ANO6: variants seen among roughly 807,000 people sequenced by gnomAD.
ANO6 encodes anoctamin-6.
In ANO6, 106 loss-of-function variants were observed where a neutral mutation model predicts 117.5. That is an observed-to-expected ratio of 0.90 (90% CI 0.77 to 1.06). The LOEUF is 1.06. Among genes scored for constraint, ANO6 ranks in the 50% least tolerant of loss-of-function variants. ANO6 has a pLI of 0.00. For missense variants in ANO6, 955 were observed against 1,121.1 expected (o/e 0.85, Z 2.12); for synonymous variants, 367 against 385.1 (o/e 0.95, Z 0.55).
At chr12:45,426,633 G>A (rs1349922616) in intron 19 of ANO6, among the ~76,000 whole-genome samples, 1 of 151,928 alleles carries the variant, frequency 6.6e-6, no homozygotes, top group Non-Finnish European at 1.5e-5. Flanking sequence ...CTGAAAATCT[G>A]ACTTCAGATT....
At chr12:45,344,021 C>CT (rs769122423) in intron 3 of ANO6, among the ~76,000 whole-genome samples, 18 of 152,116 alleles carry the variant, frequency 1.2e-4, no homozygotes, top group Non-Finnish European at 2.2e-4. Context: ...AAAGGAGTGT[C>CT]TGTGTTTTTA....
At chr12:45,366,116 T>G (rs200604245) in intron 8 of ANO6, among the ~76,000 whole-genome samples, 4 of 24,776 alleles carry the variant, frequency 1.6e-4, no homozygotes, top group African/African-American at 7.5e-4. Context: ...GTTACTTGGG[T>G]TTTTTTTTTT....
intron 2 of ANO6, among the ~76,000 whole-genome samples, chr12:45,326,489 A>G (rs752919700): frequency 2.0e-5 from 3 of 152,200 alleles, no homozygotes; most frequent in Non-Finnish European, 2.9e-5. Context: ...GGCGGCATGT[A>G]AATTATAATG....
chr12:45,277,692 G>T (rs1938597681), intron 1 of ANO6, among the ~76,000 whole-genome samples: 1 of 152,112 alleles, frequency 6.6e-6, no homozygotes, highest in African/African-American at 2.4e-5. Flanking sequence ...TTGACAGCTT[G>T]ACTAAGTATA....
intron 1 of ANO6, among the ~76,000 whole-genome samples, chr12:45,244,414 G>A (rs1420436218): frequency 7.0e-6 from 1 of 142,612 alleles, no homozygotes; most frequent in South Asian, 2.5e-4. Context: ...GGGGGGGGGG[G>A]GTGGTCTGTG....
intron 3 of ANO6, among the ~76,000 whole-genome samples, chr12:45,345,939 C>T (rs993513239): frequency 1.4e-5 from 2 of 138,504 alleles, no homozygotes; most frequent in Non-Finnish European, 3.0e-5. Flanking sequence ...CAGTGTCACC[C>T]CCACGGTGGT....
At chr12:45,220,903 C>T (rs1947386132) in intron 1 of ANO6, among the ~76,000 whole-genome samples, 1 of 152,200 alleles carries the variant, frequency 6.6e-6, no homozygotes, top group South Asian at 2.1e-4. Context: ...ATCAATCATG[C>T]CTATGTAATA....
intron 1 of ANO6, among the ~76,000 whole-genome samples, chr12:45,248,587 C>T (rs1265425209): frequency 1.3e-5 from 2 of 151,830 alleles, no homozygotes; most frequent in Non-Finnish European, 2.9e-5. Context: ...GTGCACGCCA[C>T]CAAGCCCAGT....
chr12:45,409,374 T>C lies in ANO6; in HGVS notation c.1898T>C (p.Ile633Thr), dbSNP rs770782066. 2 of 1,613,994 alleles carry C rather than the reference T, an allele frequency of 1.2e-6. No individual in the cohort carries two copies. Among genetic ancestry groups the C allele is most frequent in the South Asian group, 2.2e-5 (2 of 91,078 alleles). The change falls in exon 16 of 20, where the codon ATT (isoleucine) becomes ACT (threonine). Residue 633 changes from isoleucine (I) to threonine (T), a missense_variant. By Grantham distance (89) the Ile-to-Thr change is moderately conservative. Transcript: ENST00000320560. ...TTTGGCAGCTGGATCATGAATCTAATTGGGCGATTTCACAGAGTTTCTGGA... is the reference window on the plus strand; with the variant it reads ...TTTGGCAGCTGGATCATGAATCTAACTGGGCGATTTCACAGAGTTTCTGGA... ...EVLLPWIMNLIGRFHRVSGSE... is the reference protein window; with the variant it reads ...EVLLPWIMNLTGRFHRVSGSE...
chr12:45,245,535 A>T (rs911977336), intron 1 of ANO6, among the ~76,000 whole-genome samples: 1 of 149,534 alleles, frequency 6.7e-6, no homozygotes, highest in Admixed American at 6.7e-5. Flanking sequence ...CTGCTTTTTC[A>T]CTGTTTTACA....
At position 45,421,254 on chromosome 12, in the gene ANO6, G is replaced by A; in HGVS notation, c.2401G>A (p.Gly801Ser). 3 of 1,614,032 alleles carry A rather than the reference G, an allele frequency of 1.9e-6. No homozygotes were observed. The highest frequency in any genetic ancestry group is 2.5e-6 in the Non-Finnish European group (3 of 1,179,968). ...CAAGGGAAACCCGTACTCTGACCTG[G>A]GTAACCATACCACATGCAGGCAAGT... Reference protein sequence around the residue: ...KSKGNPYSDLGNHTTCRYRDF... With the variant: ...KSKGNPYSDLSNHTTCRYRDF... The change falls in exon 18 of 20, where the codon GGT (glycine) becomes AGT (serine). Residue 801 changes from glycine (G) to serine (S), a missense_variant. Transcript: ENST00000320560.
At chr12:45,357,158 A>T (rs1941432107) in intron 7 of ANO6, 132 bp from the exon 8 acceptor site, 2 of 988,412 alleles carry the variant, frequency 2.0e-6, no homozygotes, top group Non-Finnish European at 3.0e-6. Context: ...GTGAAAATGA[A>T]TGTTTTAAGG....
Position 45,357,298 on chromosome 12 carries a change from A to G in ANO6, c.872A>G (p.Tyr291Cys), listed in dbSNP as rs145510962. ...TTTCTGTCTTTCTTCAGGAAATACT[A>G]TGGAGAGAAGATTGGAATCTACTTT... ...KQPLDLIRKY[Y>C]GEKIGIYFAW... is the part of the protein sequence containing the mutation. The change falls in exon 8 of 20, where the codon TAT becomes TGT. Residue 291 changes from tyrosine to cysteine, a missense_variant. Transcript: ENST00000320560. 2.0e-5 allele frequency: 33 copies of G among 1,613,684 alleles called. No homozygotes were observed. Among genetic ancestry groups the G allele is most frequent in the South Asian group, 5.5e-5 (5 of 91,058 alleles).
chr12:45,299,900 G>A (rs1939424361), intron 1 of ANO6, among the ~76,000 whole-genome samples: 1 of 152,054 alleles, frequency 6.6e-6, no homozygotes, highest in African/African-American at 2.4e-5. Flanking sequence ...AATATTAGGA[G>A]ATTTCTTAGT....
rs143058009 is a variant in ANO6 at position 45,221,778 on chromosome 12, C to T, written c.70+5387C>T. On this transcript the variant is annotated intron_variant, in intron 1 of 19. Transcript: ENST00000320560. ...TTGTTTCCGGCAAGCAGAGAGGAGC[C>T]CAGGATGATGGTGGCAGGAGGAGAG... Among the ~76,000 whole-genome samples the T allele has an allele frequency of 1.7e-4, 26 of 152,074 alleles. No individual in the cohort carries two copies. The East Asian group carries it at 4.8e-3, about 28-fold the overall frequency.
intron 1 of ANO6, among the ~76,000 whole-genome samples, chr12:45,245,223 A>G (rs1411175577): frequency 6.6e-6 from 1 of 152,232 alleles, no homozygotes; most frequent in Non-Finnish European, 1.5e-5. Flanking sequence ...GGAGTTCTGT[A>G]AGCCACATAA....
chr12:45,230,699 CTA>C (rs917236896), intron 1 of ANO6, among the ~76,000 whole-genome samples: 6 of 151,954 alleles, frequency 3.9e-5, no homozygotes, highest in African/African-American at 1.5e-4. Context: ...AAGAAAATAT[CTA>C]TGGAATAAGA....
intron 1 of ANO6, among the ~76,000 whole-genome samples, chr12:45,255,821 T>G (rs949703616): frequency 7.0e-6 from 1 of 142,130 alleles, no homozygotes; most frequent in Admixed American, 7.0e-5. Context: ...CCTGGGTGTT[T>G]TTTTTTTTTT....
At position 45,241,613 on chromosome 12, in the gene ANO6, T is replaced by G. The variant is rs1947745695; in HGVS notation, c.70+25222T>G. ...CCTTTGCTGGTGAGGAACTGCGATCTTTTGGAGGAGAACAGGCGCTCTGGT... is the reference window on the plus strand; with the variant it reads ...CCTTTGCTGGTGAGGAACTGCGATCGTTTGGAGGAGAACAGGCGCTCTGGT... On this transcript the variant is annotated intron_variant, in intron 1 of 19. Coordinates refer to ENST00000320560, the MANE Select transcript of ANO6 (RefSeq NM_001025356.3). 2.6e-5 allele frequency among the ~76,000 whole-genome samples: 4 copies of G among 152,352 alleles called. No homozygotes were observed. The South Asian group carries it at 6.2e-4, about 24-fold the overall frequency.
Sources: gnomAD v4.1 joint callset for allele counts (sites outside exome capture counted in the v4.1 genomes callset) on GRCh38, gnomAD v4.1.1 for gene constraint, MANE v1.5 for transcripts, NCBI Gene and HGNC (gene_info 2026-07-23, HGNC 2026-07-21) for gene names.